The following SELENOF variants were observed in gnomAD, a reference collection of about 807,000 sequenced individuals.
SELENOF encodes the protein 15 kDa selenoprotein.
SELENOF carries 16 observed loss-of-function variants against 20.5 expected under a neutral mutation model. That is an observed-to-expected ratio of 0.78 (90% confidence interval 0.53 to 1.19). SELENOF has a LOEUF of 1.19. Ranked by LOEUF, SELENOF falls within the 50% of genes most tolerant of loss-of-function variation. SELENOF has a pLI of 0.00. For missense variants in SELENOF, 215 were observed against 194.2 expected (o/e 1.11, Z -0.64); for synonymous variants, 78 against 74.5 (o/e 1.05, Z -0.24).
upstream of SELENOF, chr1:86,914,366 A>G (rs1336549169): frequency 3.8e-6 from 2 of 530,798 alleles, no homozygotes; most frequent in Non-Finnish European, 6.8e-6. Flanking sequence ...TATTCACGAC[A>G]CTTCGTCAAG....
In SELENOF at chr1:86,903,358, C is replaced by G. The variant is rs754628331; in HGVS notation, c.175G>C (p.Gly59Arg). ...NLLCSSCDLL[G>R]QFNLLQLDPD... Reference sequence around the variant, plus strand: ...TCCAGCTGAAGCAGGTTGAACTGTCCGAGAAGATCACAAGAGCTGCAAAGC... The same window carrying G: ...TCCAGCTGAAGCAGGTTGAACTGTCGGAGAAGATCACAAGAGCTGCAAAGC... Residue 59 changes from glycine (G) to arginine (R), a missense_variant, in exon 2 of 5, where the codon GGA becomes CGA. By Grantham distance (125) the Gly-to-Arg change is moderately radical (BLOSUM62 -2). Coordinates refer to ENST00000331835, the MANE Select transcript of SELENOF (RefSeq NM_004261.5). The G allele has an allele frequency of 6.2e-7, 1 of 1,612,010 alleles. No homozygotes were observed. The highest frequency in any genetic ancestry group is 2.2e-5 in the East Asian group (1 of 44,848).
At chr1:86,899,836 C>T (rs1392607580) in intron 2 of SELENOF, among the ~76,000 whole-genome samples, 7 of 128,812 alleles carry the variant, frequency 5.4e-5, no homozygotes, top group South Asian at 5.4e-4. Context: ...TCAGACGGGG[C>T]GGTTGCCAGG....
intron 2 of SELENOF, among the ~76,000 whole-genome samples, chr1:86,882,239 C>A (rs1298386607): frequency 9.7e-6 from 1 of 102,918 alleles, no homozygotes; most frequent in Non-Finnish European, 1.8e-5. Context: ...CAGAGCAAGA[C>A]TCTGTCTCAA....
At chr1:86,878,771 T>C (rs1278369743) in intron 3 of SELENOF, among the ~76,000 whole-genome samples, 2 of 152,212 alleles carry the variant, frequency 1.3e-5, no homozygotes, top group Admixed American at 1.3e-4. Context: ...ACTCTCCATG[T>C]TCTATTTCAG....
intron 4 of SELENOF, among the ~76,000 whole-genome samples, chr1:86,867,584 G>A (rs1446351873): frequency 6.6e-6 from 1 of 152,028 alleles, no homozygotes; most frequent in East Asian, 1.9e-4. Context: ...GAACGTGTGA[G>A]GATTGGAGAT....
chr1:86,884,342 T>C (rs1386230270), intron 2 of SELENOF, among the ~76,000 whole-genome samples: 3 of 128,586 alleles, frequency 2.3e-5, no homozygotes, highest in East Asian at 4.0e-4. Flanking sequence ...CGGGCGCACA[T>C]ACATACACAC....
intron 2 of SELENOF, among the ~76,000 whole-genome samples, chr1:86,892,497 G>A (rs1557464927): frequency 2.0e-5 from 3 of 152,066 alleles, no homozygotes; most frequent in South Asian, 4.1e-4. Context: ...ACAATTTCAC[G>A]CAGTTAGCTT....
At chr1:86,868,322 A>G (rs1191232057) in intron 3 of SELENOF, among the ~76,000 whole-genome samples, 3 of 152,196 alleles carry the variant, frequency 2.0e-5, no homozygotes, top group African/African-American at 7.2e-5. Context: ...CCAAATTCCA[A>G]TAGGATTTTA....
Position 86,863,616 on chromosome 1 carries a change from G to C in SELENOF, c.367-11C>G, listed in dbSNP as rs773408534. The C allele has an allele frequency of 1.2e-6, 2 of 1,609,686 alleles. No individual in the cohort carries two copies. The highest frequency in any genetic ancestry group is 2.2e-5 in the South Asian group (2 of 90,694). Reference sequence around the variant, plus strand: ...TGAACCACGGACATACTACAAAAAAGAGGGACGTCATCATTACTTTCTGTT... The same window carrying C: ...TGAACCACGGACATACTACAAAAAACAGGGACGTCATCATTACTTTCTGTT... On this transcript the variant is annotated splice_polypyrimidine_tract_variant and intron_variant, in intron 4 of 4. Transcript: ENST00000331835.
chr1:86,880,619 A>AT (rs553116241), intron 3 of SELENOF, 43 bp downstream of exon 3: 80 of 1,127,284 alleles, frequency 7.1e-5, no homozygotes, highest in Non-Finnish European at 7.8e-5. Context: ...TAAAATGTTG[A>AT]TTTTAAATGA....
intron 4 of SELENOF, among the ~76,000 whole-genome samples, chr1:86,865,338 A>C (rs975345690): frequency 1.3e-5 from 2 of 152,216 alleles, no homozygotes; most frequent in African/African-American, 4.8e-5. Context: ...GAACAGAATG[A>C]AAAGACAACC....
chr1:86,899,924 C>G lies in SELENOF; in HGVS notation c.252+3357G>C, dbSNP rs556803154. ...CCTCCCAGACGGGGTCGCGGCCGGGCAGAGGCGCTCCTCACATCCCACACG... is the reference window on the plus strand; with the variant it reads ...CCTCCCAGACGGGGTCGCGGCCGGGGAGAGGCGCTCCTCACATCCCACACG... On this transcript the variant is annotated intron_variant, in intron 2 of 4. Transcript: ENST00000331835. 8.5e-3 allele frequency among the ~76,000 whole-genome samples: 1,280 copies of G among 151,212 alleles called. 22 individuals carry two copies. Among genetic ancestry groups the G allele is most frequent in the African/African-American group, 0.03 (1,238 of 40,980 alleles).
chr1:86,900,913 G>C (rs1226377040), intron 2 of SELENOF, among the ~76,000 whole-genome samples: 1 of 152,118 alleles, frequency 6.6e-6, no homozygotes, highest in African/African-American at 2.4e-5. Context: ...TCTTTTTTGA[G>C]TCAGGGTCTC....
intron 2 of SELENOF, among the ~76,000 whole-genome samples, chr1:86,898,922 G>A (rs1245237630): frequency 7.9e-5 from 12 of 151,856 alleles, no homozygotes; most frequent in Non-Finnish European, 1.5e-4. Context: ...CTAGGCAGAG[G>A]ACCCTGAGGC....
Position 86,914,075 on chromosome 1 carries a change from C to G in SELENOF, c.37G>C (p.Val13Leu). 1 of 1,613,972 alleles carries G rather than the reference C, an allele frequency of 6.2e-7. No individual in the cohort carries two copies. Among genetic ancestry groups the G allele is most frequent in the Non-Finnish European group, 8.5e-7 (1 of 1,179,882 alleles). ...AACAACCGTAGCCCAAACGCCGGCA[C>G]CAGACACCCACTCGGCCCAGCCGCC... is the stretch of plus-strand genomic sequence containing the variant. The part of the protein sequence containing the change: ...AMAAGPSGCL[V>L]PAFGLRLLLA... Residue 13 changes from valine (V) to leucine (L), a missense_variant, in exon 1 of 5, where the codon GTG (valine) becomes CTG (leucine). Transcript: ENST00000331835.
rs1659749738 is a variant in SELENOF at position 86,903,341 on chromosome 1, A to C, written c.192T>G (p.Leu64=). ...SCDLLGQFNL[L]QLDPDCRGCC... Reference sequence around the variant, plus strand: ...ATCCTCTGCAATCAGGATCCAGCTGAAGCAGGTTGAACTGTCCGAGAAGAT... The same window carrying C: ...ATCCTCTGCAATCAGGATCCAGCTGCAGCAGGTTGAACTGTCCGAGAAGAT... Residue 64 remains leucine (L), a synonymous_variant, in exon 2 of 5, where the codon CTT becomes CTG. Transcript: ENST00000331835. 6.2e-7 allele frequency: 1 copy of C among 1,612,200 alleles called. No homozygotes were observed. Among genetic ancestry groups the C allele is most frequent in the Non-Finnish European group, 8.5e-7 (1 of 1,179,168 alleles).
At chr1:86,898,580 CTTTTTTT>C (rs747362493) in intron 2 of SELENOF, among the ~76,000 whole-genome samples, 45 of 124,968 alleles carry the variant, frequency 3.6e-4, no homozygotes, top group African/African-American at 1.5e-3. Context: ...TTCTCTTCTT[CTTTTTTT>C]TTTTTTTTTT....
chr1:86,906,935 G>A (rs985133001), intron 1 of SELENOF, among the ~76,000 whole-genome samples: 3 of 152,124 alleles, frequency 2.0e-5, no homozygotes, highest in Non-Finnish European at 2.9e-5. Context: ...CTGTGAACTC[G>A]TTAACAAACG....
At chr1:86,883,143 A>T (rs63550262) in intron 2 of SELENOF, among the ~76,000 whole-genome samples, 1 of 150,208 alleles carries the variant, frequency 6.7e-6, no homozygotes, top group Non-Finnish European at 1.5e-5. Flanking sequence ...AAAAAAAAAA[A>T]TTCGGACACA....
Sources: gnomAD v4.1 joint callset for allele counts (sites outside exome capture counted in the v4.1 genomes callset) on GRCh38, gnomAD v4.1.1 for gene constraint, MANE v1.5 for transcripts, NCBI Gene and HGNC (gene_info 2026-07-23, HGNC 2026-07-21) for gene names.